The following NBEA variants were observed in gnomAD, a reference collection of about 807,000 sequenced individuals.
NBEA encodes the protein lysosomal-trafficking regulator 2.
In NBEA, 44 loss-of-function variants were observed where a neutral mutation model predicts 343.4. The ratio of observed to expected loss-of-function variants is 0.13; its 90% CI spans 0.10 to 0.16. The LOEUF (loss-of-function observed/expected upper bound fraction) is 0.16, where lower values mean the gene tolerates loss of function less well. Ranked by LOEUF, NBEA falls within the 10% of genes least tolerant of loss-of-function variation. NBEA has a pLI of 1.00. For missense variants in NBEA, 2,555 were observed against 3,631.3 expected (o/e 0.70, Z 7.62); for synonymous variants, 1,175 against 1,238.7 (o/e 0.95, Z 1.08).
intron 45 of NBEA, among the ~76,000 whole-genome samples, chr13:35,572,814 A>G (rs978747956): frequency 4.6e-5 from 7 of 152,042 alleles, no homozygotes; most frequent in East Asian, 3.9e-4. Flanking sequence ...GCTCACTACA[A>G]TCTCAACTAG....
At chr13:34,963,706 C>CA (rs2152493239) in intron 1 of NBEA, among the ~76,000 whole-genome samples, 2 of 126,736 alleles carry the variant, frequency 1.6e-5, no homozygotes, top group East Asian at 5.4e-4. Flanking sequence ...CTCTTTTCTT[C>CA]CCCCCCCCGA....
intron 41 of NBEA, among the ~76,000 whole-genome samples, chr13:35,488,667 A>G (rs2076390820): frequency 6.6e-6 from 1 of 151,940 alleles, no homozygotes; most frequent in Admixed American, 6.6e-5. Context: ...ATAATTTAGC[A>G]TGAGCAGAGG....
intron 45 of NBEA, among the ~76,000 whole-genome samples, chr13:35,575,977 T>G (rs1344951824): frequency 6.6e-6 from 1 of 152,190 alleles, no homozygotes; most frequent in Non-Finnish European, 1.5e-5. Context: ...ATGTATTTAT[T>G]ATATGCCAAT....
intron 39 of NBEA, among the ~76,000 whole-genome samples, chr13:35,446,018 C>T (rs1343463311): frequency 1.3e-5 from 2 of 150,742 alleles, no homozygotes; most frequent in South Asian, 2.1e-4. Context: ...TTCCTGTGTC[C>T]AAGTGTTCTC....
intron 39 of NBEA, among the ~76,000 whole-genome samples, chr13:35,442,599 A>C (rs2045800581): frequency 1.3e-5 from 2 of 152,128 alleles, no homozygotes; most frequent in South Asian, 4.1e-4. Context: ...GCTTCACTTA[A>C]ATTCAATAAT....
At chr13:35,198,572 A>G (rs1161652553) in intron 31 of NBEA, among the ~76,000 whole-genome samples, 6 of 152,152 alleles carry the variant, frequency 3.9e-5, no homozygotes, top group East Asian at 1.9e-4. Context: ...ACAGCTTTTT[A>G]TGTTCCTATA....
chr13:35,365,403 A>T (rs1387272956), intron 38 of NBEA, among the ~76,000 whole-genome samples: 4 of 151,738 alleles, frequency 2.6e-5, no homozygotes, highest in African/African-American at 9.7e-5. Flanking sequence ...AAATGGCATG[A>T]CATTTAAAAT....
chr13:35,445,782 TTATATATATATATA>T lies in NBEA; in HGVS notation c.6305-6288_6305-6275del, dbSNP rs71081255. ...TGACTTAATTCTAAGATATAAATGT[TTATATATATATATA>T]TATATATATATATATATATATGTAT... On this transcript the variant is annotated intron_variant, in intron 39 of 58. Transcript: ENST00000379939. Among the ~76,000 whole-genome samples the T allele has an allele frequency of 2.3e-3, 258 of 113,232 alleles. 3 individuals are homozygous for T. Among genetic ancestry groups the T allele is most frequent in the African/African-American group, 8.2e-3 (240 of 29,366 alleles). 74.3% of individuals were successfully genotyped at this position (113,232 alleles called of 152,430 possible).
chr13:34,948,578 CA>C (rs2059258204), intron 1 of NBEA, among the ~76,000 whole-genome samples: 1 of 151,950 alleles, frequency 6.6e-6, no homozygotes, highest in Non-Finnish European at 1.5e-5. Context: ...GGTTTTTTGT[CA>C]CTTGTAAATA....
chr13:35,368,458 G>C (rs2041249090), intron 38 of NBEA, among the ~76,000 whole-genome samples: 1 of 151,484 alleles, frequency 6.6e-6, no homozygotes, highest in African/African-American at 2.4e-5. Context: ...TTCATTGTTT[G>C]AATTTCTTCT....
At chr13:35,162,811 A>G (rs2069672865) in intron 23 of NBEA, among the ~76,000 whole-genome samples, 1 of 152,132 alleles carries the variant, frequency 6.6e-6, no homozygotes, top group Non-Finnish European at 1.5e-5. Flanking sequence ...GTCAAGCTCA[A>G]TAATAAAACA....
intron 38 of NBEA, among the ~76,000 whole-genome samples, chr13:35,405,593 T>C (rs978938329): frequency 1.3e-5 from 2 of 152,146 alleles, no homozygotes; most frequent in Admixed American, 6.6e-5. Context: ...TAATATAAAA[T>C]ATTTTATGAG....
chr13:35,589,580 C>G (rs1488239421), intron 46 of NBEA, among the ~76,000 whole-genome samples: 2 of 151,936 alleles, frequency 1.3e-5, no homozygotes, highest in Admixed American at 1.3e-4. Context: ...AACAGAACTA[C>G]AAGAAGCGAA....
At chr13:35,646,141 T>TGAGAAAA (rs2084219134) in intron 50 of NBEA, 118 bp from the exon 51 acceptor site, 3 of 811,360 alleles carry the variant, frequency 3.7e-6, no homozygotes, top group Non-Finnish European at 4.0e-6. Context: ...GAGCACCCGT[T>TGAGAAAA]GAATTTTCTG....
At chr13:35,383,923 T>G (rs2042120003) in intron 38 of NBEA, among the ~76,000 whole-genome samples, 1 of 152,048 alleles carries the variant, frequency 6.6e-6, no homozygotes, top group African/African-American at 2.4e-5. Context: ...GTTTCTTCTA[T>G]GTTTGGCATA....
intron 54 of NBEA, 85 bp from the exon 55 acceptor site, chr13:35,655,494 T>G (rs2084773739): frequency 3.7e-6 from 5 of 1,362,288 alleles, no homozygotes; most frequent in East Asian, 4.8e-5. Flanking sequence ...ATGGTAAAAT[T>G]TTTTAAAAAA....
intron 41 of NBEA, among the ~76,000 whole-genome samples, chr13:35,478,444 G>A (rs1044782537): frequency 4.6e-5 from 7 of 152,186 alleles, no homozygotes; most frequent in African/African-American, 1.7e-4. Context: ...CGACGGCGAG[G>A]ATGTGCAGTG....
chr13:35,109,180 A>G lies in NBEA; in HGVS notation c.1681-110A>G, dbSNP rs2066064383. On this transcript the variant is annotated intron_variant, in intron 11 of 58. Transcript: ENST00000379939. The stretch of plus-strand genomic sequence containing the variant: ...CAAAGAAAACAAATGTTTATTTCAT[A>G]TTTATTAGGGATAGCATATGAAAAA... 4 of 913,716 alleles carry G rather than the reference A, an allele frequency of 4.4e-6. No homozygotes were observed. In the East Asian group the frequency reaches 1.1e-4, roughly 25 times the overall value. 56.6% of individuals were successfully genotyped at this position (913,716 alleles called of 1,614,324 possible). A position where few individuals can be genotyped will look rare whatever the true frequency, so the allele number is the denominator to read the frequency against.
chr13:35,575,666 A>G (rs1433538056), intron 45 of NBEA, among the ~76,000 whole-genome samples: 1 of 152,184 alleles, frequency 6.6e-6, no homozygotes, highest in African/African-American at 2.4e-5. Context: ...ATTTTCCCAT[A>G]TAATCAGATC....
Sources: allele counts gnomAD v4.1 joint callset (sites outside exome capture counted in the v4.1 genomes callset), GRCh38; gene constraint gnomAD v4.1.1; transcripts MANE v1.5; gene names NCBI Gene and HGNC (gene_info 2026-07-23, HGNC 2026-07-21).